Variants in MACROD2 observed in about 807,000 individuals in gnomAD.
MACROD2 encodes ADP-ribose glycohydrolase MACROD2.
Under a neutral mutation model 70.4 loss-of-function variants are expected in MACROD2, and 36 were observed. The ratio of observed to expected loss-of-function variants is 0.51; its 90% confidence interval spans 0.39 to 0.68. The LOEUF is 0.68. Ranked by LOEUF, MACROD2 falls within the 30% of genes least tolerant of loss-of-function variation. The probability of loss-of-function intolerance (pLI) is 0.00; values close to 1 mark genes in which losing one functional copy is unlikely to be tolerated. For missense variants in MACROD2, 496 were observed against 538.4 expected, an observed-to-expected ratio of 0.92 and a Z score of 0.78; for synonymous variants, 172 against 178.8, an observed-to-expected ratio of 0.96 and a Z score of 0.30.
chr20:15,372,192 C>A (rs776601244), intron 6 of MACROD2, among the ~76,000 whole-genome samples: 6 of 152,198 alleles, frequency 3.9e-5, no homozygotes, highest in Non-Finnish European at 7.4e-5. Context: ...CAGGGAACAT[C>A]TTTGCACACA....
intron 5 of MACROD2, among the ~76,000 whole-genome samples, chr20:14,815,100 G>A (rs533220415): frequency 6.6e-6 from 1 of 152,080 alleles, no homozygotes; most frequent in South Asian, 2.1e-4. Context: ...GAGAGAGGAA[G>A]CTTTATGACT....
intron 5 of MACROD2, among the ~76,000 whole-genome samples, chr20:14,764,835 T>C (rs995265651): frequency 6.6e-6 from 1 of 152,146 alleles, no homozygotes; most frequent in Non-Finnish European, 1.5e-5. Context: ...GTATTTTTGA[T>C]ATTTATTTTT....
At chr20:16,018,272 A>G (rs140703016) in intron 15 of MACROD2, among the ~76,000 whole-genome samples, 90 of 152,306 alleles carry the variant, frequency 5.9e-4, no homozygotes, top group African/African-American at 2.0e-3. Flanking sequence ...TTAGGTACTC[A>G]TTTCAGAACA....
intron 8 of MACROD2, among the ~76,000 whole-genome samples, chr20:15,740,682 T>TC (rs1008965827): frequency 1.1e-4 from 16 of 151,166 alleles, no homozygotes; most frequent in African/African-American, 3.7e-4. Context: ...CTCATTTCAC[T>TC]CCCCAACAAA....
chr20:14,217,743 G>A (rs1002373249), intron 3 of MACROD2, among the ~76,000 whole-genome samples: 3 of 152,104 alleles, frequency 2.0e-5, no homozygotes, highest in Non-Finnish European at 4.4e-5. Flanking sequence ...TAGGAGGGTT[G>A]TATTTTTCCA....
chr20:14,002,138 T>C, intron 1 of MACROD2, 150 bp from the exon 2 acceptor site: 3 of 424,678 alleles, frequency 7.1e-6, no homozygotes, highest in Non-Finnish European at 1.2e-5. Flanking sequence ...TTTTTTAACA[T>C]TTAAATATGG....
chr20:15,806,180 A>G (rs2063767557), intron 8 of MACROD2, among the ~76,000 whole-genome samples: 1 of 152,218 alleles, frequency 6.6e-6, no homozygotes. Context: ...TGAGTGAATA[A>G]AAAACACGAG....
chr20:14,560,535 A>T (rs1413817426), intron 4 of MACROD2, among the ~76,000 whole-genome samples: 1 of 151,938 alleles, frequency 6.6e-6, no homozygotes, highest in African/African-American at 2.4e-5. Context: ...AAATTTTAAA[A>T]TGTCACAACT....
In MACROD2 at chr20:15,236,065, A is replaced by G. The variant is rs539604720; in HGVS notation, c.540+6004A>G. 2.0e-5 allele frequency among the ~76,000 whole-genome samples: 3 copies of G among 152,368 alleles called. No individual in the cohort carries two copies. The South Asian group carries it at 6.2e-4, about 32-fold the overall frequency. ...AACAAAGGCACTTTTGCATTTGTGC[A>G]TCACTCTACAGTTTACAGCAGTGTA... On this transcript the variant is annotated intron_variant, in intron 6 of 17. Coordinates refer to ENST00000684519, the MANE Select transcript of MACROD2 (RefSeq NM_001351661.2).
intron 10 of MACROD2, among the ~76,000 whole-genome samples, chr20:15,925,029 C>A (rs555336961): frequency 4.7e-4 from 72 of 152,296 alleles, no homozygotes; most frequent in African/African-American, 1.6e-3. Flanking sequence ...AAGGAAATCC[C>A]ATTGTAATGC....
chr20:14,902,279 A>G (rs1277512289), intron 5 of MACROD2, among the ~76,000 whole-genome samples: 1 of 152,176 alleles, frequency 6.6e-6, no homozygotes, highest in Non-Finnish European at 1.5e-5. Flanking sequence ...CATTTAAAGC[A>G]GAGAGGAGCC....
intron 6 of MACROD2, among the ~76,000 whole-genome samples, chr20:15,243,635 G>T (rs1004964485): frequency 5.9e-5 from 9 of 152,166 alleles, no homozygotes; most frequent in African/African-American, 1.9e-4. Flanking sequence ...CTGTGAGCTG[G>T]CCGGGCACGG....
At chr20:14,894,377 C>CCCA (rs957933305) in intron 5 of MACROD2, 3 of 151,968 alleles carry the variant, frequency 2.0e-5, no homozygotes, top group African/African-American at 7.3e-5. Flanking sequence ...ACTACAGGTG[C>CCCA]CCACCACCAC....
At chr20:14,329,669 A>T (rs1367746324) in intron 3 of MACROD2, among the ~76,000 whole-genome samples, 3 of 152,144 alleles carry the variant, frequency 2.0e-5, no homozygotes, top group Non-Finnish European at 4.4e-5. Context: ...GAAAACAAGT[A>T]CATGTCAAAG....
intron 5 of MACROD2, among the ~76,000 whole-genome samples, chr20:14,829,690 C>T (rs1161739611): frequency 6.6e-6 from 1 of 152,010 alleles, no homozygotes; most frequent in Non-Finnish European, 1.5e-5. Flanking sequence ...TCCACACATG[C>T]CAAAATGACT....
At chr20:14,131,085 T>C (rs2054713194) in intron 3 of MACROD2, among the ~76,000 whole-genome samples, 1 of 152,194 alleles carries the variant, frequency 6.6e-6, no homozygotes, top group African/African-American at 2.4e-5. Flanking sequence ...CCACCACACC[T>C]GGCTAATTTT....
At chr20:15,960,124 A>G (rs992567018) in intron 12 of MACROD2, among the ~76,000 whole-genome samples, 1 of 152,202 alleles carries the variant, frequency 6.6e-6, no homozygotes, top group African/African-American at 2.4e-5. Context: ...AGAGCTGATC[A>G]ATTCCTTTCA....
At chr20:14,002,147 G>A (rs1409639980) in intron 1 of MACROD2, 141 bp from the exon 2 acceptor site, 1 of 434,564 alleles carries the variant, frequency 2.3e-6, no homozygotes, top group Admixed American at 4.3e-5. Context: ...ATTTAAATAT[G>A]GAGTCACTGG....
chr20:14,192,268 A>G (rs890516718), intron 3 of MACROD2, among the ~76,000 whole-genome samples: 1 of 151,968 alleles, frequency 6.6e-6, no homozygotes, highest in South Asian at 2.1e-4. Flanking sequence ...TCTTGAGGAT[A>G]CCTTCTTGAG....
Sources: allele counts gnomAD v4.1 joint callset (sites outside exome capture counted in the v4.1 genomes callset), GRCh38; gene constraint gnomAD v4.1.1; transcripts MANE v1.5; gene names NCBI Gene and HGNC (gene_info 2026-07-23, HGNC 2026-07-21).